The following ERC1 variants were observed in gnomAD, a reference collection of about 807,000 sequenced individuals.
ERC1 encodes the protein ELKS/RAB6-interacting/CAST family member 1.
In ERC1, 56 loss-of-function variants were observed where a neutral mutation model predicts 132.0. That is an observed-to-expected ratio of 0.42 (90% CI 0.34 to 0.53). ERC1 has a LOEUF of 0.53. ERC1 is among the 20% of genes least tolerant of loss of function. The pLI is 0.03. For synonymous variants in ERC1, 478 were observed against 476.1 expected, an observed-to-expected ratio of 1.00 and a Z score of -0.05; for missense variants, 1,202 against 1,349.9, an observed-to-expected ratio of 0.89 and a Z score of 1.72.
At chr12:1,014,157 C>T (rs529918574) in intron 1 of ERC1, among the ~76,000 whole-genome samples, 37 of 151,864 alleles carry the variant, frequency 2.4e-4, no homozygotes, top group Non-Finnish European at 4.3e-4. Context: ...TATAATGAGA[C>T]TTAAAAAAAT....
At chr12:1,251,025 T>C (rs2076438676) in intron 13 of ERC1, among the ~76,000 whole-genome samples, 2 of 152,198 alleles carry the variant, frequency 1.3e-5, no homozygotes. Context: ...CATATTCTCT[T>C]CTTAGATATA....
intron 18 of ERC1, 118 bp downstream of exon 18, chr12:1,444,868 T>C: frequency 1.2e-6 from 1 of 812,672 alleles, no homozygotes; most frequent in Non-Finnish European, 1.9e-6. Context: ...CAGTGGGGGC[T>C]ACCTTGGGGA....
At chr12:1,056,138 AT>A (rs913398730) in intron 2 of ERC1, among the ~76,000 whole-genome samples, 1 of 151,070 alleles carries the variant, frequency 6.6e-6, no homozygotes, top group African/African-American at 2.4e-5. Flanking sequence ...TATCCATAAA[AT>A]TTTTTTTGTG....
intron 16 of ERC1, among the ~76,000 whole-genome samples, chr12:1,384,819 G>C (rs976304018): frequency 6.6e-6 from 1 of 152,162 alleles, no homozygotes; most frequent in African/African-American, 2.4e-5. Flanking sequence ...CCTTGTTCCT[G>C]AATGGAGCAT....
intron 15 of ERC1, among the ~76,000 whole-genome samples, chr12:1,332,296 G>A (rs1029473198): frequency 6.6e-6 from 1 of 152,002 alleles, no homozygotes; most frequent in South Asian, 2.1e-4. Flanking sequence ...TGTAGCTTTA[G>A]CGTCTTCTTG....
intron 16 of ERC1, among the ~76,000 whole-genome samples, chr12:1,402,662 A>G (rs1366055967): frequency 7.5e-6 from 1 of 132,854 alleles, no homozygotes; most frequent in Non-Finnish European, 1.5e-5. Context: ...CAAAGAAAAT[A>G]AAAACAAATT....
In ERC1 at chr12:1,110,234, G is replaced by A; in HGVS notation, c.1204G>A (p.Glu402Lys). ...SSMERGLRDLEEEIQMLKSNG... is the reference protein window; with the variant it reads ...SSMERGLRDLKEEIQMLKSNG... The stretch of plus-strand genomic sequence containing the variant: ...TATGGAGCGTGGGCTTCGAGACCTG[G>A]AAGAGGAAATTCAGATGCTGAAATC... The change falls in exon 5 of 19, where the codon GAA (glutamate) becomes AAA (lysine). Residue 402 changes from glutamate (E) to lysine (K), a missense_variant. Glu to Lys is a moderately conservative substitution (Grantham distance 56, BLOSUM62 1). Coordinates refer to ENST00000360905, the MANE Select transcript of ERC1 (RefSeq NM_178040.4). 6.2e-7 allele frequency: 1 copy of A among 1,613,682 alleles called. No homozygotes were observed. Among genetic ancestry groups the A allele is most frequent in the Non-Finnish European group, 8.5e-7 (1 of 1,179,788 alleles).
At chr12:1,262,914 G>T in intron 13 of ERC1, 120 bp from the exon 14 acceptor site, 2 of 930,274 alleles carry the variant, frequency 2.1e-6, no homozygotes, top group South Asian at 1.8e-5. Flanking sequence ...ATATCTTGTT[G>T]ACCTGGATTT....
intron 2 of ERC1, among the ~76,000 whole-genome samples, chr12:1,062,131 C>T (rs377657302): frequency 8.2e-4 from 125 of 151,614 alleles, no homozygotes; most frequent in Middle Eastern, 3.4e-3. Flanking sequence ...CTACAGGCAC[C>T]CACCAGCACG....
intron 15 of ERC1, among the ~76,000 whole-genome samples, chr12:1,332,104 A>T (rs555443911): frequency 3.2e-4 from 49 of 151,686 alleles, no homozygotes; most frequent in Middle Eastern, 6.8e-3. Flanking sequence ...TTGGATTTAG[A>T]TTTCTCTTAA....
At chr12:1,192,199 A>G (rs1397012296) in intron 12 of ERC1, among the ~76,000 whole-genome samples, 3 of 152,206 alleles carry the variant, frequency 2.0e-5, no homozygotes, top group African/African-American at 7.2e-5. Flanking sequence ...TTTGGACCCA[A>G]TGTCTTAAGT....
intron 3 of ERC1, among the ~76,000 whole-genome samples, chr12:1,090,990 C>T (rs1004058763): frequency 3.6e-5 from 5 of 138,804 alleles, no homozygotes; most frequent in African/African-American, 5.2e-5. Flanking sequence ...CTCCACCTCC[C>T]GGGTTCAAGC....
chr12:994,066 CAAAAAAAAA>C lies in ERC1; in HGVS notation c.-157+2765_-157+2773del, dbSNP rs72073964. Among the ~76,000 whole-genome samples, 39 of 64,266 alleles carry C rather than the reference CAAAAAAAAA, an allele frequency of 6.1e-4. No homozygotes were observed. In the East Asian group the frequency reaches 7.6e-3, roughly 13 times the overall value. 42.2% of individuals were successfully genotyped at this position (64,266 alleles called of 152,430 possible). The stretch of plus-strand genomic sequence containing the variant: ...CCTGAGTCACGGCAAAACTCCGTCT[CAAAAAAAAA>C]AAAAAAAAAAAAAAAAAAAAGTGAA... On this transcript the variant is annotated intron_variant, in intron 1 of 18. Coordinates refer to ENST00000360905, the MANE Select transcript of ERC1 (RefSeq NM_178040.4).
intron 8 of ERC1, among the ~76,000 whole-genome samples, chr12:1,145,023 CT>C (rs1250285693): frequency 4.5e-4 from 65 of 145,094 alleles, no homozygotes; most frequent in Admixed American, 4.2e-4. Flanking sequence ...TGATGCAGAG[CT>C]TTTTTTTTTT....
intron 12 of ERC1, among the ~76,000 whole-genome samples, chr12:1,223,383 G>A (rs1208479290): frequency 6.6e-6 from 1 of 152,188 alleles, no homozygotes; most frequent in East Asian, 1.9e-4. Flanking sequence ...TGCATTGACT[G>A]TTGTTTCTTA....
Position 1,311,356 on chromosome 12 carries a change from T to G in ERC1, c.2780+21344T>G, listed in dbSNP as rs377006683. 1.0e-4 allele frequency among the ~76,000 whole-genome samples: 15 copies of G among 143,388 alleles called. 1 individual carries two copies. The South Asian group carries it at 2.0e-3, about 19-fold the overall frequency. 94.1% of individuals were successfully genotyped at this position (143,388 alleles called of 152,430 possible). ...TTATCAATGTTTGTTTTTGTCAAACTTCAGTAGTGTTAGAGGTATGAGATC... is the reference window on the plus strand; with the variant it reads ...TTATCAATGTTTGTTTTTGTCAAACGTCAGTAGTGTTAGAGGTATGAGATC... On this transcript the variant is annotated intron_variant, in intron 15 of 18. Transcript: ENST00000360905.
chr12:1,129,257 G>A (rs1454380866), intron 7 of ERC1, among the ~76,000 whole-genome samples: 1 of 152,186 alleles, frequency 6.6e-6, no homozygotes, highest in Non-Finnish European at 1.5e-5. Context: ...AGGATCACTT[G>A]AGACCAGGAG....
Position 1,014,359 on chromosome 12 carries a change from A to T in ERC1, c.-156-13389A>T, listed in dbSNP as rs961145384. Reference sequence around the variant, plus strand: ...CCTGGCTAATGTTGGTATTTTTGGTAGAGACGGGGTTTCACCATGTTGCCC... The same window carrying T: ...CCTGGCTAATGTTGGTATTTTTGGTTGAGACGGGGTTTCACCATGTTGCCC... On this transcript the variant is annotated intron_variant, in intron 1 of 18. Transcript: ENST00000360905. Among the ~76,000 whole-genome samples the T allele has an allele frequency of 2.6e-5, 4 of 151,778 alleles. No individual in the cohort carries two copies. The East Asian group carries it at 5.9e-4, about 22-fold the overall frequency.
intron 17 of ERC1, among the ~76,000 whole-genome samples, chr12:1,418,570 TTTC>T (rs1207181766): frequency 2.5e-5 from 3 of 119,284 alleles, no homozygotes; most frequent in Non-Finnish European, 5.3e-5. Flanking sequence ...CTTCATTTTC[TTTC>T]TTTCTTTCTT....
Sources: allele counts gnomAD v4.1 joint callset (sites outside exome capture counted in the v4.1 genomes callset), GRCh38; gene constraint gnomAD v4.1.1; transcripts MANE v1.5; gene names NCBI Gene and HGNC (gene_info 2026-07-23, HGNC 2026-07-21).